MEF2C: variants seen among roughly 807,000 people sequenced by gnomAD.
MEF2C encodes the protein myocyte enhancer factor 2C.
A neutral mutation model predicts 50.5 loss-of-function variants in MEF2C; 6 were observed. That is an observed-to-expected ratio of 0.12 (90% CI 0.07 to 0.23). The LOEUF (loss-of-function observed/expected upper bound fraction) is 0.23. Ranked by LOEUF, MEF2C falls within the 10% of genes least tolerant of loss-of-function variation. MEF2C has a pLI of 1.00. For missense variants in MEF2C, 276 were observed against 605.0 expected (o/e 0.46, Z 5.70); for synonymous variants, 183 against 228.0 (o/e 0.80, Z 1.78).
At chr5:88,767,611 A>G (rs1277817145) in intron 3 of MEF2C, among the ~76,000 whole-genome samples, 1 of 152,200 alleles carries the variant, frequency 6.6e-6, no homozygotes, top group Non-Finnish European at 1.5e-5. Context: ...TGCTCATTCT[A>G]GCCAGATATC....
chr5:88,821,255 A>T (rs1015172162), intron 2 of MEF2C, among the ~76,000 whole-genome samples: 3 of 151,684 alleles, frequency 2.0e-5, no homozygotes, highest in African/African-American at 7.3e-5. Context: ...CGACATTAAG[A>T]TTCTTTGTTT....
At chr5:88,782,562 T>C (rs116013504) in intron 3 of MEF2C, among the ~76,000 whole-genome samples, 73 of 152,300 alleles carry the variant, frequency 4.8e-4, no homozygotes, top group Middle Eastern at 3.4e-3. Flanking sequence ...ACACTGTATG[T>C]GATAAATAGT....
intron 1 of MEF2C, among the ~76,000 whole-genome samples, chr5:88,903,524 C>T (rs1412601547): frequency 6.6e-6 from 1 of 151,948 alleles, no homozygotes; most frequent in African/African-American, 2.4e-5. Context: ...TGTACCATTA[C>T]ACCTTTTTAT....
chr5:88,879,450 A>G (rs1408109754), intron 1 of MEF2C, among the ~76,000 whole-genome samples: 2 of 151,620 alleles, frequency 1.3e-5, no homozygotes, highest in East Asian at 3.9e-4. Flanking sequence ...TGGATTCATA[A>G]CTATGTAATT....
intron 6 of MEF2C, chr5:88,739,965 A>G (rs934344485): frequency 1.1e-5 from 11 of 984,906 alleles, no homozygotes; most frequent in African/African-American, 1.0e-4. Flanking sequence ...GGGAAATTAT[A>G]TAATAATGCA....
At chr5:88,828,969 AT>A (rs1187231492) in intron 1 of MEF2C, among the ~76,000 whole-genome samples, 1 of 151,938 alleles carries the variant, frequency 6.6e-6, no homozygotes, top group African/African-American at 2.4e-5. Context: ...TTCTGAGTTT[AT>A]TTCCAAATCA....
At position 88,820,499 on chromosome 5, in the gene MEF2C, T is replaced by C. The variant is rs180757666; in HGVS notation, c.54+3236A>G. Among the ~76,000 whole-genome samples the C allele has an allele frequency of 1.2e-3, 186 of 152,162 alleles. 1 individual carries two copies. The highest frequency in any genetic ancestry group is 4.3e-3 in the African/African-American group (178 of 41,570). Reference sequence around the variant, plus strand: ...TTATTTCTTAATGATATACAACTTATAACATCAGTGCTGTAATATTTCATT... The same window carrying C: ...TTATTTCTTAATGATATACAACTTACAACATCAGTGCTGTAATATTTCATT... On this transcript the variant is annotated intron_variant, in intron 2 of 10. Coordinates refer to ENST00000504921, the MANE Select transcript of MEF2C (RefSeq NM_002397.5).
At chr5:88,742,275 CT>C in intron 6 of MEF2C, 2 of 985,262 alleles carry the variant, frequency 2.0e-6, no homozygotes, top group Non-Finnish European at 2.4e-6. Context: ...CAAATAAAAT[CT>C]TATCATGATG....
At chr5:88,843,228 C>A (rs1172756201) in intron 1 of MEF2C, 45 of 507,036 alleles carry the variant, frequency 8.9e-5, no homozygotes, top group Non-Finnish European at 1.0e-4. Flanking sequence ...TTTTTTAATT[C>A]TATGGTAAAA....
chr5:88,800,626 C>T (rs1797962748), intron 3 of MEF2C, among the ~76,000 whole-genome samples: 1 of 152,188 alleles, frequency 6.6e-6, no homozygotes, highest in Admixed American at 6.5e-5. Flanking sequence ...CTGTCTTAGA[C>T]AGCTAAGAGA....
intron 1 of MEF2C, among the ~76,000 whole-genome samples, chr5:88,828,298 T>C (rs969190833): frequency 1.3e-5 from 2 of 151,992 alleles, no homozygotes; most frequent in African/African-American, 4.8e-5. Context: ...TTGCAAAGCA[T>C]GTATTTTTCT....
chr5:88,860,466 G>A (rs1825118158), intron 1 of MEF2C, among the ~76,000 whole-genome samples: 1 of 151,884 alleles, frequency 6.6e-6, no homozygotes, highest in South Asian at 2.1e-4. Flanking sequence ...AAAACAAAAT[G>A]AAATATTTTG....
At chr5:88,740,856 C>G (rs1284334397) in intron 6 of MEF2C, 3 of 985,156 alleles carry the variant, frequency 3.0e-6, no homozygotes, top group Non-Finnish European at 1.2e-6. Context: ...TTGGGGCTGT[C>G]TCTTTGCTAA....
chr5:88,827,247 ACT>A (rs1359774324), intron 1 of MEF2C: 1 of 149,526 alleles, frequency 6.7e-6, no homozygotes, highest in Non-Finnish European at 1.5e-5. Context: ...TCCCTCCCTC[ACT>A]CTTTCTTGCC....
chr5:88,737,899 A>G, intron 6 of MEF2C: 1 of 985,326 alleles, frequency 1.0e-6, no homozygotes, highest in Non-Finnish European at 1.2e-6. Context: ...ATAGCTTCTT[A>G]GTTGTTAGCT....
intron 5 of MEF2C, chr5:88,750,095 A>C (rs1771959951): frequency 6.5e-6 from 5 of 770,438 alleles, no homozygotes; most frequent in Non-Finnish European, 7.9e-6. Flanking sequence ...AATAGTGAGA[A>C]TATCATCTAG....
intron 3 of MEF2C, among the ~76,000 whole-genome samples, chr5:88,765,452 TTATTA>T (rs1406272236): frequency 2.0e-5 from 3 of 152,242 alleles, no homozygotes; most frequent in African/African-American, 7.2e-5. Context: ...AGTTTTATCT[TTATTA>T]TATTAAAAAT....
At chr5:88,874,268 A>C (rs750283433) in intron 1 of MEF2C, among the ~76,000 whole-genome samples, 2 of 151,968 alleles carry the variant, frequency 1.3e-5, no homozygotes, top group Admixed American at 6.6e-5. Flanking sequence ...CATATGTTCA[A>C]TAGTTGAAAC....
chr5:88,750,142 T>A lies in MEF2C; in HGVS notation c.590-1025A>T, dbSNP rs530360239. 25 of 856,708 alleles carry A rather than the reference T, an allele frequency of 2.9e-5. No individual in the cohort carries two copies. The African/African-American group carries it at 4.5e-4, about 16-fold the overall frequency. 53.1% of individuals were successfully genotyped at this position (856,708 alleles called of 1,614,324 possible). On this transcript the variant is annotated intron_variant, in intron 5 of 10. Coordinates refer to ENST00000504921, the MANE Select transcript of MEF2C (RefSeq NM_002397.5). ...GCCTCTAAGTGATACTCTGTAATTA[T>A]TAGTTGGTTCAGGTTTTGGAATTAA...
Sources: gnomAD v4.1 joint callset for allele counts (sites outside exome capture counted in the v4.1 genomes callset) on GRCh38, gnomAD v4.1.1 for gene constraint, MANE v1.5 for transcripts, NCBI Gene and HGNC (gene_info 2026-07-23, HGNC 2026-07-21) for gene names.